The following MPHOSPH10 variants were observed in gnomAD, a reference collection of about 807,000 sequenced individuals.
MPHOSPH10 encodes the protein U3 small nucleolar ribonucleoprotein MPP10.
A neutral mutation model predicts 77.3 loss-of-function variants in MPHOSPH10; 33 were observed. That is an observed-to-expected ratio of 0.43 (90% CI 0.32 to 0.57). The LOEUF (loss-of-function observed/expected upper bound fraction) is 0.57, where lower values mean the gene tolerates loss of function less well. MPHOSPH10 is among the 20% of genes least tolerant of loss of function. The pLI, the probability that MPHOSPH10 is intolerant of heterozygous loss-of-function variation, is 0.07. For missense variants in MPHOSPH10, 708 were observed against 780.1 expected, an observed-to-expected ratio of 0.91 and a Z score of 1.10; for synonymous variants, 245 against 268.0, an observed-to-expected ratio of 0.91 and a Z score of 0.84.
At chr2:71,131,675 T>TAAGGA (rs1673382919) in intron 1 of MPHOSPH10, among the ~76,000 whole-genome samples, 1 of 151,928 alleles carries the variant, frequency 6.6e-6, no homozygotes, top group South Asian at 2.1e-4. Context: ...CAGTAAAAGG[T>TAAGGA]GGTTATCTAT....
At chr2:71,138,697 T>C (rs747083762) in intron 5 of MPHOSPH10, 66 bp downstream of exon 5, 2 of 1,600,134 alleles carry the variant, frequency 1.2e-6, no homozygotes, top group Non-Finnish European at 1.7e-6. Context: ...CATACAAAGA[T>C]TTGGGGTGGT....
intron 4 of MPHOSPH10, among the ~76,000 whole-genome samples, chr2:71,136,080 C>T (rs1402650711): frequency 6.6e-6 from 1 of 152,206 alleles, no homozygotes; most frequent in Non-Finnish European, 1.5e-5. Context: ...TTTATACCAT[C>T]ACAAACATAT....
rs1673451894 is a variant in MPHOSPH10, at chr2:71,134,659, C to A, written c.960C>A (p.Asp320Glu). 1 of 1,608,242 alleles carries A rather than the reference C, an allele frequency of 6.2e-7. No homozygotes were observed. Among genetic ancestry groups the A allele is most frequent in the African/African-American group, 1.3e-5 (1 of 74,388 alleles). The part of the protein sequence containing the change: ...DEDDDLQENE[D>E]NKQHKESLKR... ...ATGATGACCTTCAAGAAAATGAAGA[C>A]AATAAACAACATAAAGAAAGCTTGA... Residue 320 changes from aspartate (D) to glutamate (E), a missense_variant, in exon 4 of 11, where the codon GAC (aspartate) becomes GAA (glutamate). This residue lies in a region of MPHOSPH10 where 433 missense variants were observed against 432.6 expected (regional missense o/e 1.00). Transcript: ENST00000244230.
chr2:71,147,525 T>A (rs1673739059), intron 8 of MPHOSPH10, among the ~76,000 whole-genome samples: 3 of 151,808 alleles, frequency 2.0e-5, no homozygotes, highest in African/African-American at 7.3e-5. Context: ...TACAAAAAAT[T>A]AGCCAGGTGT....
chr2:71,149,160 C>G, intron 9 of MPHOSPH10, 63 bp from the exon 10 acceptor site: 1 of 1,439,096 alleles, frequency 6.9e-7, no homozygotes, highest in Non-Finnish European at 9.4e-7. Flanking sequence ...CAGTTTCTTC[C>G]ATTCCAGTTT....
In MPHOSPH10 at chr2:71,133,402, C is replaced by G; in HGVS notation, c.594C>G (p.Ser198=). 1 of 1,613,988 alleles carries G rather than the reference C, an allele frequency of 6.2e-7. No homozygotes were observed. Among genetic ancestry groups the G allele is most frequent in the South Asian group, 1.1e-5 (1 of 91,054 alleles). The change falls in exon 2 of 11, where the codon TCC becomes TCG. Residue 198 remains serine (S), a synonymous_variant. Coordinates refer to ENST00000244230, the MANE Select transcript of MPHOSPH10 (RefSeq NM_005791.3). ...GACAGGGAAAACCAAGAGAAAAGTC[C>G]ATAGTAGATGATAAATTCTTCAAAC... ...NKGQGKPREK[S]IVDDKFFKLS...
At chr2:71,144,624 T>C in intron 8 of MPHOSPH10, 86 bp downstream of exon 8, 1 of 1,021,442 alleles carries the variant, frequency 9.8e-7, no homozygotes. Context: ...CTTTATTTTG[T>C]TTCAGGATAC....
chr2:71,139,726 C>G (rs1673575044), intron 5 of MPHOSPH10, 69 bp from the exon 6 acceptor site: 1 of 1,096,716 alleles, frequency 9.1e-7, no homozygotes, highest in Non-Finnish European at 1.4e-6. Flanking sequence ...TGCTGTGGGT[C>G]CAAGGACTGC....
At chr2:71,148,959 AC>A in intron 9 of MPHOSPH10, 6 of 466,630 alleles carry the variant, frequency 1.3e-5, no homozygotes, top group Non-Finnish European at 1.9e-5. Flanking sequence ...TGAGAACCCA[AC>A]TCTCCATGTT....
rs750312601 is a variant in MPHOSPH10, at chr2:71,130,647, T to G, written c.-19T>G. On this transcript the variant is annotated 5_prime_UTR_variant, in exon 1 of 11. Transcript: ENST00000244230. ...CCCTTCCCTTGCATGCTGCATTGTG[T>G]CGGGAGTTGCTGACAGCCATGGCGC... 3 of 1,602,582 alleles carry G rather than the reference T, an allele frequency of 1.9e-6. No individual in the cohort carries two copies. In the African/African-American group the frequency reaches 4.0e-5, roughly 21 times the overall value.
Position 71,133,119 on chromosome 2 carries a change from T to G in MPHOSPH10, c.311T>G (p.Ile104Ser), listed in dbSNP as rs571498907. The change falls in exon 2 of 11, where the codon ATC becomes AGC. Residue 104 changes from isoleucine to serine, a missense_variant. Around this residue, in one of 3 missense-constraint regions of MPHOSPH10, gnomAD observed 433 missense variants for 432.6 expected, o/e 1.00. Coordinates refer to ENST00000244230, the MANE Select transcript of MPHOSPH10 (RefSeq NM_005791.3). ...AVSETINDED[I>S]SLLPESEEQE... ...AGTGAAACAATTAATGATGAAGATATCAGTCTTCTCCCAGAGAGTGAAGAA... is the reference window on the plus strand; with the variant it reads ...AGTGAAACAATTAATGATGAAGATAGCAGTCTTCTCCCAGAGAGTGAAGAA... 7.4e-6 allele frequency: 12 copies of G among 1,614,096 alleles called. No homozygotes were observed. The highest frequency in any genetic ancestry group is 3.3e-4 in the Middle Eastern group (2 of 6,062).
At chr2:71,136,841 T>G (rs1000382450) in intron 4 of MPHOSPH10, among the ~76,000 whole-genome samples, 2 of 134,378 alleles carry the variant, frequency 1.5e-5, no homozygotes, top group African/African-American at 2.7e-5. Context: ...AAAGTAGAAC[T>G]TTCAACCTTT....
chr2:71,141,409 A>G, intron 7 of MPHOSPH10, 40 bp downstream of exon 7: 1 of 1,430,710 alleles, frequency 7.0e-7, no homozygotes, highest in African/African-American at 1.5e-5. Context: ...TTATTAAAGA[A>G]ATAGAAGTAG....
chr2:71,130,973 C>CG, intron 1 of MPHOSPH10: 1 of 543,806 alleles, frequency 1.8e-6, no homozygotes, highest in South Asian at 2.3e-5. Flanking sequence ...TGAAATCACT[C>CG]TAACCTCAAT....
In MPHOSPH10 at chr2:71,149,113, T is replaced by C. The variant is rs1673769246; in HGVS notation, c.1666-110T>C. 14 of 934,618 alleles carry C rather than the reference T, an allele frequency of 1.5e-5. No homozygotes were observed. The South Asian group carries it at 2.3e-4, about 15-fold the overall frequency. The allele number at this position is 934,618 out of a possible 1,614,324, so 57.9% of individuals were successfully genotyped here. On this transcript the variant is annotated intron_variant, in intron 9 of 10. Transcript: ENST00000244230. The stretch of plus-strand genomic sequence containing the variant: ...GGATTGCTCTGCATCTTTGTGCATT[T>C]GGCCACAGATGCACAGCCTGCTTGC...
chr2:71,134,253 G>A, intron 3 of MPHOSPH10, 148 bp downstream of exon 3: 2 of 786,558 alleles, frequency 2.5e-6, no homozygotes, highest in Non-Finnish European at 3.8e-6. Context: ...GTCTCTGACT[G>A]TAAAGGGACA....
chr2:71,134,415 A>G (rs928061563), intron 3 of MPHOSPH10, among the ~76,000 whole-genome samples: 1 of 152,178 alleles, frequency 6.6e-6, no homozygotes, highest in African/African-American at 2.4e-5. Context: ...TTTATTTTCT[A>G]TATGTTGGAC....
chr2:71,137,803 G>A (rs767146944), intron 4 of MPHOSPH10, among the ~76,000 whole-genome samples: 2 of 152,132 alleles, frequency 1.3e-5, no homozygotes, highest in South Asian at 4.1e-4. Flanking sequence ...ATTCTGTAAG[G>A]TAGCTGAAAA....
At chr2:71,140,758 T>C (rs1427888534) in intron 6 of MPHOSPH10, among the ~76,000 whole-genome samples, 3 of 152,194 alleles carry the variant, frequency 2.0e-5, no homozygotes, top group Non-Finnish European at 4.4e-5. Context: ...ATGTGTATAA[T>C]GTTTGCCTAC....
Sources: gnomAD v4.1 joint callset for allele counts (sites outside exome capture counted in the v4.1 genomes callset) on GRCh38, gnomAD v4.1.1 for gene constraint, gnomAD v4.1.1 regional missense constraint, MANE v1.5 for transcripts, NCBI Gene and HGNC (gene_info 2026-07-23, HGNC 2026-07-21) for gene names.